Variants in TPD52L1 observed in about 807,000 individuals in gnomAD.
The protein encoded by TPD52L1 is tumor protein D53.
In TPD52L1, 18 loss-of-function variants were observed where a neutral mutation model predicts 28.7. The observed-to-expected ratio is 0.63, with a 90% confidence interval of 0.43 to 0.93. TPD52L1 has a LOEUF of 0.93. Ranked by LOEUF, TPD52L1 falls within the 40% of genes least tolerant of loss-of-function variation. TPD52L1 has a pLI of 0.00. For missense variants in TPD52L1, 203 were observed against 254.8 expected, an observed-to-expected ratio of 0.80 and a Z score of 1.39; for synonymous variants, 75 against 88.8, an observed-to-expected ratio of 0.84 and a Z score of 0.88.
Position 125,156,470 on chromosome 6 carries a change from A to AAAAAAAAG in TPD52L1, c.19+2507_19+2508insGAAAAAAA, listed in dbSNP as rs1373082793. ...AAGAGTGAGACCTTGTCTCAAAAAA[A>AAAAAAAAG]AAAAAAAAAAGAGAGAGATACAAAA... On this transcript the variant is annotated intron_variant, in intron 1 of 6. Coordinates refer to ENST00000534000, the MANE Select transcript of TPD52L1 (RefSeq NM_003287.4). Among the ~76,000 whole-genome samples, 84 of 120,982 alleles carry AAAAAAAAG rather than the reference A, an allele frequency of 6.9e-4. 1 individual carries two copies. Among genetic ancestry groups the AAAAAAAAG allele is most frequent in the African/African-American group, 2.5e-3 (82 of 32,268 alleles). 79.4% of individuals were successfully genotyped at this position (120,982 alleles called of 152,430 possible). A position where few individuals can be genotyped will look rare whatever the true frequency, so the allele number is the denominator to read the frequency against.
At chr6:125,204,124 T>A (rs575305590) in intron 1 of TPD52L1, among the ~76,000 whole-genome samples, 1 of 152,306 alleles carries the variant, frequency 6.6e-6, no homozygotes, top group Middle Eastern at 3.4e-3. Flanking sequence ...TGCAATGTAA[T>A]GAAGAGCCTG....
intron 6 of TPD52L1, chr6:125,260,958 AAGAAAG>A (rs1797921140): frequency 2.4e-5 from 1 of 41,058 alleles, no homozygotes; most frequent in Admixed American, 3.0e-4. Flanking sequence ...GAAAGAAAGA[AAGAAAG>A]AAAGAAAGAA....
intron 2 of TPD52L1, among the ~76,000 whole-genome samples, chr6:125,224,470 C>CCTCTCTCTCTCT (rs58505448): frequency 0.031 from 4,467 of 143,278 alleles, 245 homozygotes; most frequent in African/African-American, 0.11. Flanking sequence ...AGGCTCTGGG[C>CCTCTCTCTCTCT]CTCTCTCTCT....
chr6:125,251,349 T>G (rs1232850186), intron 4 of TPD52L1, among the ~76,000 whole-genome samples: 1 of 149,092 alleles, frequency 6.7e-6, no homozygotes, highest in Non-Finnish European at 1.5e-5. Flanking sequence ...ACCAGCAAAA[T>G]TCAGATAGCT....
intron 3 of TPD52L1, among the ~76,000 whole-genome samples, chr6:125,238,421 G>A (rs903077529): frequency 1.5e-4 from 23 of 151,596 alleles, no homozygotes; most frequent in African/African-American, 5.6e-4. Flanking sequence ...TAAGTTTTTC[G>A]GGGGTGATTT....
intron 4 of TPD52L1, among the ~76,000 whole-genome samples, chr6:125,248,945 C>T (rs1368043741): frequency 2.0e-5 from 3 of 151,774 alleles, no homozygotes; most frequent in South Asian, 2.1e-4. Flanking sequence ...TCTCCCAGTG[C>T]GTAGCTATAG....
intron 1 of TPD52L1, among the ~76,000 whole-genome samples, chr6:125,177,425 C>A (rs567447843): frequency 6.6e-6 from 1 of 152,236 alleles, no homozygotes; most frequent in Admixed American, 6.5e-5. Context: ...TAAAAAGCAG[C>A]ATCATAATTT....
At chr6:125,191,537 G>T (rs1212909066) in intron 1 of TPD52L1, among the ~76,000 whole-genome samples, 1 of 152,212 alleles carries the variant, frequency 6.6e-6, no homozygotes, top group East Asian at 1.9e-4. Flanking sequence ...CCTACCCATT[G>T]TGAAATGTTA....
intron 1 of TPD52L1, 33 bp from the exon 2 acceptor site, chr6:125,220,045 A>C (rs755617363): frequency 1.3e-6 from 2 of 1,505,656 alleles, no homozygotes; most frequent in South Asian, 2.3e-5. Flanking sequence ...TCACTTTAAA[A>C]ATTGCCTTCT....
chr6:125,187,928 AT>A (rs35969302), intron 1 of TPD52L1, among the ~76,000 whole-genome samples: 2,205 of 147,374 alleles, frequency 0.015, 49 homozygotes, highest in African/African-American at 0.05. Context: ...CTAAACTGAG[AT>A]TTTTTTTTTT....
intron 1 of TPD52L1, among the ~76,000 whole-genome samples, chr6:125,171,934 T>A (rs577446770): frequency 3.0e-5 from 4 of 134,054 alleles, no homozygotes; most frequent in South Asian, 2.4e-4. Context: ...GGATGTATAT[T>A]TTTTTTTGTG....
chr6:125,237,249 G>A (rs769662449), intron 3 of TPD52L1, among the ~76,000 whole-genome samples: 19 of 152,158 alleles, frequency 1.2e-4, no homozygotes, highest in Non-Finnish European at 2.6e-4. Flanking sequence ...GGTCCCTCTG[G>A]CTGCGGTGTT....
At chr6:125,227,313 A>G (rs1320559197) in intron 2 of TPD52L1, among the ~76,000 whole-genome samples, 1 of 152,088 alleles carries the variant, frequency 6.6e-6, no homozygotes, top group Non-Finnish European at 1.5e-5. Flanking sequence ...CTGTCTGTTC[A>G]CTATTGGCGC....
intron 3 of TPD52L1, among the ~76,000 whole-genome samples, chr6:125,234,100 AAC>A (rs1412790461): frequency 2.6e-5 from 4 of 152,258 alleles, no homozygotes; most frequent in African/African-American, 9.6e-5. Context: ...TCTCTCAGTA[AAC>A]AGTCTTAAAG....
intron 1 of TPD52L1, chr6:125,154,480 C>T: frequency 1.4e-5 from 14 of 985,796 alleles, no homozygotes; most frequent in Non-Finnish European, 1.7e-5. Context: ...GGGGACCCGC[C>T]TTCCGAGGCC....
In TPD52L1 at chr6:125,248,481, T is replaced by G. The variant is rs142479692; in HGVS notation, c.386+98T>G. ...GCTGCTCATCTCAACATATGTATTT[T>G]TTTATTTTAATGGATAAAAATGTTA... On this transcript the variant is annotated intron_variant, in intron 4 of 6. Transcript: ENST00000534000. 2.7e-4 allele frequency: 219 copies of G among 820,224 alleles called. No homozygotes were observed. In the African/African-American group the frequency reaches 3.4e-3, roughly 13 times the overall value. The allele number at this position is 820,224 out of a possible 1,614,324, so 50.8% of individuals were successfully genotyped here. A position where few individuals can be genotyped will look rare whatever the true frequency, so the allele number is the denominator to read the frequency against.
At position 125,262,888 on chromosome 6, in the gene TPD52L1, T is replaced by C. The variant is rs776647749; in HGVS notation, c.541T>C (p.Ser181Pro). ...NGGSFEEVLS[S>P]TAHASAQSLA... ...AGGCAGTTTTGAGGAGGTCCTCAGC[T>C]CCACGGCCCATGCCAGTGCCCAGAG... is the stretch of plus-strand genomic sequence containing the variant. The change falls in exon 7 of 7, where the codon TCC (serine) becomes CCC (proline). Residue 181 changes from serine (S) to proline (P), a missense_variant. Physicochemically the swap from Ser to Pro is moderately conservative, Grantham distance 74. Coordinates refer to ENST00000534000, the MANE Select transcript of TPD52L1 (RefSeq NM_003287.4). 6.2e-7 allele frequency: 1 copy of C among 1,614,110 alleles called. No individual in the cohort carries two copies. The highest frequency in any genetic ancestry group is 8.5e-7 in the Non-Finnish European group (1 of 1,180,030).
chr6:125,173,576 T>G (rs188924103), intron 1 of TPD52L1, among the ~76,000 whole-genome samples: 1 of 152,298 alleles, frequency 6.6e-6, no homozygotes, highest in Non-Finnish European at 1.5e-5. Flanking sequence ...GTTGGATTAG[T>G]CGCCCTTGGA....
intron 1 of TPD52L1, among the ~76,000 whole-genome samples, chr6:125,162,771 G>C (rs2114744428): frequency 6.6e-6 from 1 of 152,314 alleles, no homozygotes; most frequent in South Asian, 2.1e-4. Flanking sequence ...GTTAATACAA[G>C]CAAAGTGCTT....
Sources: allele counts gnomAD v4.1 joint callset (sites outside exome capture counted in the v4.1 genomes callset), GRCh38; gene constraint gnomAD v4.1.1; transcripts MANE v1.5; gene names NCBI Gene and HGNC (gene_info 2026-07-23, HGNC 2026-07-21).